The following SLC39A11 variants were observed in gnomAD, a reference collection of about 807,000 sequenced individuals.
SLC39A11 encodes the protein zinc transporter ZIP11.
A neutral mutation model predicts 36.1 loss-of-function variants in SLC39A11; 33 were observed. The observed-to-expected ratio is 0.91, with a 90% CI of 0.69 to 1.22. SLC39A11 has a LOEUF of 1.22. Among genes scored for constraint, SLC39A11 ranks in the 50% most tolerant of loss-of-function variants. The pLI is 0.00. For missense variants in SLC39A11, 432 were observed against 430.3 expected (o/e 1.00, Z -0.03); for synonymous variants, 166 against 170.3 (o/e 0.97, Z 0.20).
At chr17:72,978,422 T>C (rs1030415160) in intron 4 of SLC39A11, among the ~76,000 whole-genome samples, 2 of 151,854 alleles carry the variant, frequency 1.3e-5, no homozygotes, top group Admixed American at 6.6e-5. Context: ...ACGAACAAAC[T>C]GGATAAGGAA....
At position 72,646,718 on chromosome 17, in the gene SLC39A11, C is replaced by T. The variant is rs3803828; in HGVS notation, c.*866G>A. On this transcript the variant is annotated 3_prime_UTR_variant, in exon 10 of 10. Transcript: ENST00000255559. ...AGTAATTGAAGAGTTTGAGTTCTAG[C>T]AGTTTGCTGGTGTCTCCAAGTCTCT... is the stretch of plus-strand genomic sequence containing the variant. 0.011 allele frequency: 1,657 copies of T among 152,682 alleles called. 43 individuals are homozygous for T. Among genetic ancestry groups the T allele is most frequent in the East Asian group, 0.079 (409 of 5,172 alleles). The allele number at this position is 152,682 out of a possible 1,614,324, so 9.5% of individuals were successfully genotyped here. A position where few individuals can be genotyped will look rare whatever the true frequency, so the allele number is the denominator to read the frequency against.
intron 4 of SLC39A11, among the ~76,000 whole-genome samples, chr17:72,960,144 G>C (rs1031168926): frequency 5.9e-5 from 9 of 152,150 alleles, no homozygotes; most frequent in African/African-American, 2.2e-4. Flanking sequence ...TATTCAATGA[G>C]CAGAATACTC....
intron 3 of SLC39A11, among the ~76,000 whole-genome samples, chr17:73,036,066 A>AG (rs879555198): frequency 6.6e-6 from 1 of 152,154 alleles, no homozygotes; most frequent in Non-Finnish European, 1.5e-5. Context: ...ATCCTCCAAG[A>AG]GGAACCCAGC....
Position 72,882,798 on chromosome 17 carries a change from T to TTTTTTCTTTTTCTTTTTC in SLC39A11, c.431-32995_431-32994insGAAAAAGAAAAAGAAAAA, listed in dbSNP as rs1555614349. Among the ~76,000 whole-genome samples, 5 of 125,662 alleles carry TTTTTTCTTTTTCTTTTTC rather than the reference T, an allele frequency of 4.0e-5. No homozygotes were observed. In the East Asian group the frequency reaches 1.1e-3, roughly 28 times the overall value. The allele number at this position is 125,662 out of a possible 152,430, so 82.4% of individuals were successfully genotyped here. A position where few individuals can be genotyped will look rare whatever the true frequency, so the allele number is the denominator to read the frequency against. On this transcript the variant is annotated intron_variant, in intron 5 of 9. Transcript: ENST00000255559. The stretch of plus-strand genomic sequence containing the variant: ...CTGCTTGAGGGAGAGAGAATGCTTC[T>TTTTTTCTTTTTCTTTTTC]TTTTTTTTTTTTTTTTGAGATGGAG...
intron 5 of SLC39A11, among the ~76,000 whole-genome samples, chr17:72,920,809 C>T (rs1387929039): frequency 1.3e-5 from 2 of 150,304 alleles, no homozygotes; most frequent in African/African-American, 4.9e-5. Flanking sequence ...GCACACTTCC[C>T]ACCCTATCTA....
intron 7 of SLC39A11, among the ~76,000 whole-genome samples, chr17:72,689,430 TTCCACTCCTGG>T (rs368317118): frequency 0.6 from 91,184 of 151,990 alleles, 27,909 homozygotes; most frequent in South Asian, 0.71. Flanking sequence ...AAGTCAGCAA[TTCCACTCCTGG>T]GTATACACCA....
intron 4 of SLC39A11, among the ~76,000 whole-genome samples, chr17:73,014,883 C>A (rs973965148): frequency 5.3e-5 from 8 of 152,148 alleles, no homozygotes; most frequent in African/African-American, 1.9e-4. Flanking sequence ...CTGTTCAGAG[C>A]TCTCCCAATG....
intron 6 of SLC39A11, among the ~76,000 whole-genome samples, chr17:72,833,777 G>A (rs953367793): frequency 2.6e-5 from 4 of 151,922 alleles, no homozygotes; most frequent in Non-Finnish European, 5.9e-5. Context: ...TCCATCCCCC[G>A]ACATCAGACA....
At chr17:72,673,809 A>G (rs1460896674) in intron 7 of SLC39A11, among the ~76,000 whole-genome samples, 1 of 152,208 alleles carries the variant, frequency 6.6e-6, no homozygotes, top group East Asian at 1.9e-4. Context: ...TCACACCTGT[A>G]ATCCAGCACT....
intron 6 of SLC39A11, among the ~76,000 whole-genome samples, chr17:72,801,936 G>A (rs1182630238): frequency 6.6e-6 from 1 of 152,182 alleles, no homozygotes; most frequent in Non-Finnish European, 1.5e-5. Flanking sequence ...TAATAGGGTT[G>A]CAGTACATTT....
At chr17:72,714,046 G>A (rs2073229529) in intron 7 of SLC39A11, among the ~76,000 whole-genome samples, 1 of 152,218 alleles carries the variant, frequency 6.6e-6, no homozygotes, top group South Asian at 2.1e-4. Context: ...CCGCAAAATT[G>A]TGGGTTTTGG....
At chr17:72,681,548 A>G (rs571717598) in intron 7 of SLC39A11, among the ~76,000 whole-genome samples, 9 of 152,308 alleles carry the variant, frequency 5.9e-5, no homozygotes, top group Admixed American at 5.2e-4. Context: ...TCTTCTCCCT[A>G]TCACAGCCGC....
At chr17:73,058,192 T>C (rs1011538930) in intron 3 of SLC39A11, among the ~76,000 whole-genome samples, 11 of 152,276 alleles carry the variant, frequency 7.2e-5, no homozygotes, top group Non-Finnish European at 1.2e-4. Flanking sequence ...GCGTGTTTGT[T>C]TGTCTTGGCA....
In SLC39A11 at chr17:72,648,904, G is replaced by C; in HGVS notation, c.828C>G (p.Ala276=). ...EPLAGVFGAF[A]VVLAEPILPY... ...GCAGGATGGGCTCAGCCAGCACCACGGCAAAGGCACCAAAGACCCCGGCCA... is the reference window on the plus strand; with the variant it reads ...GCAGGATGGGCTCAGCCAGCACCACCGCAAAGGCACCAAAGACCCCGGCCA... Residue 276 remains alanine, a synonymous_variant, in exon 9 of 10, where the codon GCC becomes GCG. Transcript: ENST00000255559. 6.2e-7 allele frequency: 1 copy of C among 1,614,048 alleles called. No homozygotes were observed. The highest frequency in any genetic ancestry group is 8.5e-7 in the Non-Finnish European group (1 of 1,180,004).
chr17:72,802,510 A>C (rs1258514375), intron 6 of SLC39A11, among the ~76,000 whole-genome samples: 1 of 151,576 alleles, frequency 6.6e-6, no homozygotes, highest in Non-Finnish European at 1.5e-5. Flanking sequence ...GAATTCCTTG[A>C]ATCTAGGAGG....
At chr17:72,927,639 C>T (rs1321422649) in intron 5 of SLC39A11, among the ~76,000 whole-genome samples, 1 of 152,110 alleles carries the variant, frequency 6.6e-6, no homozygotes, top group Non-Finnish European at 1.5e-5. Flanking sequence ...ATCACGCCTC[C>T]CCACCCACAA....
intron 4 of SLC39A11, among the ~76,000 whole-genome samples, chr17:73,026,644 G>C (rs556568819): frequency 6.6e-6 from 1 of 152,060 alleles, no homozygotes; most frequent in East Asian, 1.9e-4. Context: ...AAAGATAAAA[G>C]TAGGAGAAGG....
At chr17:72,757,417 G>C (rs1277772760) in intron 6 of SLC39A11, among the ~76,000 whole-genome samples, 1 of 152,098 alleles carries the variant, frequency 6.6e-6, no homozygotes, top group African/African-American at 2.4e-5. Context: ...ATTTCCTGGT[G>C]GTGGGAAAGG....
chr17:72,688,871 T>C (rs2071880079), intron 7 of SLC39A11, among the ~76,000 whole-genome samples: 1 of 152,190 alleles, frequency 6.6e-6, no homozygotes, highest in African/African-American at 2.4e-5. Flanking sequence ...GAAATATGGC[T>C]GCAGCTACTC....
Sources: allele counts gnomAD v4.1 joint callset (sites outside exome capture counted in the v4.1 genomes callset), GRCh38; gene constraint gnomAD v4.1.1; transcripts MANE v1.5; gene names NCBI Gene and HGNC (gene_info 2026-07-23, HGNC 2026-07-21).